The following PVT1 variants were observed in gnomAD, a reference collection of about 807,000 sequenced individuals.
PVT1 encodes Pvt1 oncogene, also known as CXCR4/PVT1 fusion.
intron 3 of PVT1, among the ~76,000 whole-genome samples, chr8:127,976,115 T>C (rs1402859528): frequency 1.3e-5 from 2 of 152,204 alleles, no homozygotes; most frequent in Non-Finnish European, 2.9e-5. Context: ...AATGCCCACA[T>C]TCAACTCAGG....
chr8:127,912,935 T>C (rs1237510152), intron 3 of PVT1, among the ~76,000 whole-genome samples: 1 of 152,254 alleles, frequency 6.6e-6, no homozygotes, highest in Non-Finnish European at 1.5e-5. Flanking sequence ...TGACCTCAGG[T>C]AATCCACCTG....
At chr8:127,880,538 C>A (rs901817070) in intron 2 of PVT1, among the ~76,000 whole-genome samples, 1 of 151,018 alleles carries the variant, frequency 6.6e-6, no homozygotes, top group Non-Finnish European at 1.5e-5. Context: ...CCTCATGATC[C>A]GCCTGTCTCG....
intron 4 of PVT1, among the ~76,000 whole-genome samples, chr8:128,061,949 T>C (rs1397729149): frequency 6.6e-6 from 1 of 152,280 alleles, no homozygotes; most frequent in East Asian, 1.9e-4. Context: ...AAAATATCTG[T>C]ATTTTAATTA....
intron 4 of PVT1, among the ~76,000 whole-genome samples, chr8:128,044,751 A>G (rs910027356): frequency 1.3e-5 from 2 of 152,256 alleles, no homozygotes; most frequent in African/African-American, 4.8e-5. Context: ...ATAGTTGGCC[A>G]TCAATGAGTG....
chr8:127,825,428 G>A (rs1563615138), intron 2 of PVT1, among the ~76,000 whole-genome samples: 1 of 152,190 alleles, frequency 6.6e-6, no homozygotes, highest in African/African-American at 2.4e-5. Context: ...CTTGGGTCTT[G>A]TTGAGGTGAA....
intron 4 of PVT1, among the ~76,000 whole-genome samples, chr8:128,018,525 G>A (rs1001280780): frequency 1.3e-5 from 2 of 152,236 alleles, no homozygotes; most frequent in African/African-American, 4.8e-5. Context: ...GAGGAAAAGA[G>A]TGCTGGAGAA....
At chr8:127,982,129 C>T (rs140547420) in intron 3 of PVT1, among the ~76,000 whole-genome samples, 152 of 152,306 alleles carry the variant, frequency 1.0e-3, no homozygotes, top group Non-Finnish European at 1.8e-4. Context: ...ATAATGTGAG[C>T]ACCTACCCAC....
At chr8:127,848,128 T>C (rs897028039) in intron 2 of PVT1, among the ~76,000 whole-genome samples, 1 of 152,212 alleles carries the variant, frequency 6.6e-6, no homozygotes, top group Non-Finnish European at 1.5e-5. Flanking sequence ...TATAACCTTG[T>C]CATGATTAGG....
chr8:127,855,362 G>A (rs1260657932), intron 2 of PVT1: 1 of 395,940 alleles, frequency 2.5e-6, no homozygotes, highest in Non-Finnish European at 4.4e-6. Context: ...GTCCCGGTGT[G>A]CGGAAATTGG....
At chr8:128,026,954 C>T (rs1813302598) in intron 4 of PVT1, among the ~76,000 whole-genome samples, 1 of 152,138 alleles carries the variant, frequency 6.6e-6, no homozygotes, top group African/African-American at 2.4e-5. Context: ...GCGTTCTTGT[C>T]TGCCACCTCC....
intron 5 of PVT1, among the ~76,000 whole-genome samples, chr8:128,071,335 C>G (rs558714915): frequency 6.6e-6 from 1 of 152,296 alleles, no homozygotes; most frequent in South Asian, 2.1e-4. Flanking sequence ...ACTTCCCCTT[C>G]TTGTCAGCCA....
chr8:128,025,054 A>G (rs767032617), intron 4 of PVT1, among the ~76,000 whole-genome samples: 2 of 152,226 alleles, frequency 1.3e-5, no homozygotes, highest in Non-Finnish European at 2.9e-5. Flanking sequence ...GAAGCCCCTC[A>G]TGCTGGCTGC....
At chr8:127,887,399 T>A (rs1815535186) in intron 2 of PVT1, among the ~76,000 whole-genome samples, 1 of 152,230 alleles carries the variant, frequency 6.6e-6, no homozygotes, top group African/African-American at 2.4e-5. Flanking sequence ...AAATCTTTGT[T>A]CTAATTTTTA....
intron 4 of PVT1, among the ~76,000 whole-genome samples, chr8:128,066,737 A>G (rs187150314): frequency 2.6e-5 from 4 of 152,316 alleles, no homozygotes; most frequent in African/African-American, 9.6e-5. Flanking sequence ...TTTAACTTTC[A>G]TAAAAGGTTC....
intron 2 of PVT1, among the ~76,000 whole-genome samples, chr8:127,828,430 A>G (rs1258862701): frequency 6.6e-6 from 1 of 152,194 alleles, no homozygotes; most frequent in Non-Finnish European, 1.5e-5. Flanking sequence ...TTTCAGCTGG[A>G]TGGTGAAGCT....
chr8:127,956,337 G>A (rs895277960), intron 3 of PVT1, among the ~76,000 whole-genome samples: 27 of 152,348 alleles, frequency 1.8e-4, no homozygotes, highest in South Asian at 1.7e-3. Flanking sequence ...GGCAAGAAGG[G>A]AGCTCTGAAC....
intron 3 of PVT1, among the ~76,000 whole-genome samples, chr8:127,892,929 C>T (rs750353226): frequency 4.6e-5 from 7 of 152,196 alleles, no homozygotes; most frequent in Non-Finnish European, 7.3e-5. Context: ...CACACCCTAT[C>T]GTGGTGGCAG....
chr8:127,800,090 C>T (rs1814446358), intron 2 of PVT1, among the ~76,000 whole-genome samples: 2 of 152,206 alleles, frequency 1.3e-5, no homozygotes, highest in South Asian at 4.1e-4. Flanking sequence ...AATCACTTCT[C>T]CCTCCCTGGG....
chr8:127,837,447 A>G (rs1370230018), intron 2 of PVT1, among the ~76,000 whole-genome samples: 1 of 151,738 alleles, frequency 6.6e-6, no homozygotes, highest in Non-Finnish European at 1.5e-5. Context: ...AAACCTCATA[A>G]TGGCTTCATG....
Sources: gnomAD v4.1 joint callset for allele counts (sites outside exome capture counted in the v4.1 genomes callset) on GRCh38, gnomAD v4.1.1 for gene constraint, MANE v1.5 for transcripts, NCBI Gene and HGNC (gene_info 2026-07-23, HGNC 2026-07-21) for gene names.